Variants in JAZF1 observed in about 807,000 individuals in gnomAD.
The protein encoded by JAZF1 is juxtaposed with another zinc finger protein 1.
A neutral mutation model predicts 26.4 loss-of-function variants in JAZF1; 8 were observed. That is an observed-to-expected ratio of 0.30 (90% CI 0.18 to 0.55). The LOEUF (loss-of-function observed/expected upper bound fraction) is 0.55, where lower values mean the gene tolerates loss of function less well. JAZF1 is among the 20% of genes least tolerant of loss of function. The probability of loss-of-function intolerance (pLI) is 0.94; values close to 1 mark genes in which losing one functional copy is unlikely to be tolerated. For missense variants in JAZF1, 199 were observed against 322.0 expected (o/e 0.62, Z 2.92); for synonymous variants, 126 against 122.3 (o/e 1.03, Z -0.20).
At chr7:27,976,536 C>T (rs552499972) in intron 2 of JAZF1, among the ~76,000 whole-genome samples, 1 of 152,068 alleles carries the variant, frequency 6.6e-6, no homozygotes, top group South Asian at 2.1e-4. Context: ...TAAGAGCATG[C>T]AACATGTTTA....
intron 2 of JAZF1, among the ~76,000 whole-genome samples, chr7:27,897,276 A>G (rs1224392302): frequency 1.3e-5 from 2 of 152,144 alleles, no homozygotes; most frequent in Non-Finnish European, 2.9e-5. Flanking sequence ...GGACATGCTT[A>G]TGGGGGTAGA....
chr7:28,108,391 G>A (rs568621406), intron 1 of JAZF1, among the ~76,000 whole-genome samples: 19 of 152,086 alleles, frequency 1.2e-4, no homozygotes, highest in Non-Finnish European at 2.6e-4. Context: ...TTACATTTTG[G>A]TGGCAGGATA....
rs370461529 is a variant in JAZF1 at position 27,845,653 on chromosome 7, C to T, written c.386-4786G>A. 5.8e-4 allele frequency among the ~76,000 whole-genome samples: 83 copies of T among 143,590 alleles called. No individual in the cohort carries two copies. The East Asian group carries it at 0.011, about 20-fold the overall frequency. The allele number at this position is 143,590 out of a possible 152,430, so 94.2% of individuals were successfully genotyped here. A position where few individuals can be genotyped will look rare whatever the true frequency, so the allele number is the denominator to read the frequency against. On this transcript the variant is annotated intron_variant, in intron 3 of 4. Coordinates refer to ENST00000283928, the MANE Select transcript of JAZF1 (RefSeq NM_175061.4). ...CAGAGGTTGCAGTGAGCCAAGATGG[C>T]GCCATTGCACTCCAGCCTGGGCAAT...
chr7:27,927,874 T>C (rs1248497601), intron 2 of JAZF1, among the ~76,000 whole-genome samples: 1 of 152,178 alleles, frequency 6.6e-6, no homozygotes, highest in Non-Finnish European at 1.5e-5. Context: ...CAAGAATTTC[T>C]TCCCCAAATC....
At chr7:27,980,797 C>T (rs1370403277) in intron 2 of JAZF1, among the ~76,000 whole-genome samples, 2 of 149,858 alleles carry the variant, frequency 1.3e-5, no homozygotes, top group Non-Finnish European at 2.9e-5. Context: ...GATTTTCTTT[C>T]ACATGACTTA....
intron 1 of JAZF1, among the ~76,000 whole-genome samples, chr7:28,008,254 T>C (rs948255453): frequency 6.6e-6 from 1 of 152,160 alleles, no homozygotes; most frequent in Admixed American, 6.5e-5. Flanking sequence ...ATAGTGTCTG[T>C]TGCCCCGGCT....
chr7:28,018,391 G>GGAC (rs2128372180), intron 1 of JAZF1, among the ~76,000 whole-genome samples: 1 of 152,294 alleles, frequency 6.6e-6, no homozygotes, highest in East Asian at 1.9e-4. Context: ...GAAAGACACA[G>GGAC]GACAGTCTTA....
intron 2 of JAZF1, among the ~76,000 whole-genome samples, chr7:27,979,013 T>C (rs1785526665): frequency 6.6e-6 from 1 of 152,070 alleles, no homozygotes; most frequent in Non-Finnish European, 1.5e-5. Context: ...ATTTTAGAAT[T>C]TGCTATCTAA....
chr7:28,151,110 TA>T (rs56691573), intron 1 of JAZF1, among the ~76,000 whole-genome samples: 1,754 of 66,698 alleles, frequency 0.026, 21 homozygotes, highest in East Asian at 0.12. Context: ...TATATATATA[TA>T]TTTTTTTTTT....
chr7:28,106,653 A>G (rs543339055), intron 1 of JAZF1, among the ~76,000 whole-genome samples: 1 of 152,354 alleles, frequency 6.6e-6, no homozygotes, highest in African/African-American at 2.4e-5. Context: ...GATGCAGTGA[A>G]TAAAAGCTAT....
chr7:28,122,200 C>A (rs978736877), intron 1 of JAZF1, among the ~76,000 whole-genome samples: 6 of 152,106 alleles, frequency 3.9e-5, no homozygotes, highest in African/African-American at 1.4e-4. Context: ...GAGCCAAAAC[C>A]AAATACATAC....
intron 1 of JAZF1, among the ~76,000 whole-genome samples, chr7:28,056,693 A>G (rs1418357322): frequency 6.6e-6 from 1 of 152,062 alleles, no homozygotes; most frequent in East Asian, 1.9e-4. Context: ...CTGCTTCTAC[A>G]ATCTCCAGTG....
At chr7:27,897,865 A>C (rs1784097880) in intron 2 of JAZF1, among the ~76,000 whole-genome samples, 1 of 152,212 alleles carries the variant, frequency 6.6e-6, no homozygotes, top group African/African-American at 2.4e-5. Flanking sequence ...GAACAGACCC[A>C]GTGCCCTATG....
intron 3 of JAZF1, among the ~76,000 whole-genome samples, chr7:27,869,258 C>T (rs1020646084): frequency 4.6e-5 from 7 of 151,014 alleles, no homozygotes; most frequent in African/African-American, 1.2e-4. Flanking sequence ...CCCAAACAAG[C>T]GGCAACAGAA....
chr7:28,076,317 A>G (rs936235918), intron 1 of JAZF1, among the ~76,000 whole-genome samples: 3 of 152,222 alleles, frequency 2.0e-5, no homozygotes, highest in Admixed American at 6.5e-5. Flanking sequence ...GAAACAAATA[A>G]ATGAAAGGTT....
intron 1 of JAZF1, among the ~76,000 whole-genome samples, chr7:28,097,654 A>G (rs1347019969): frequency 6.6e-6 from 1 of 152,232 alleles, no homozygotes; most frequent in Non-Finnish European, 1.5e-5. Flanking sequence ...AAGAAATCAC[A>G]GCTGTCTACG....
chr7:28,162,781 A>T (rs1562608580), intron 1 of JAZF1, among the ~76,000 whole-genome samples: 1 of 152,172 alleles, frequency 6.6e-6, no homozygotes, highest in Non-Finnish European at 1.5e-5. Flanking sequence ...CATGAAACTA[A>T]CTCAAAGCCT....
intron 3 of JAZF1, among the ~76,000 whole-genome samples, chr7:27,863,160 C>T (rs1428123998): frequency 2.0e-5 from 3 of 152,196 alleles, no homozygotes; most frequent in Admixed American, 1.3e-4. Flanking sequence ...GGTGAACATG[C>T]AGATTTATTT....
chr7:28,160,317 A>C (rs750266841), intron 1 of JAZF1, among the ~76,000 whole-genome samples: 20 of 152,098 alleles, frequency 1.3e-4, no homozygotes, highest in Non-Finnish European at 1.5e-5. Flanking sequence ...CTCTCCCCTC[A>C]CCCTGTTCTA....
Sources: allele counts gnomAD v4.1 joint callset (sites outside exome capture counted in the v4.1 genomes callset), GRCh38; gene constraint gnomAD v4.1.1; transcripts MANE v1.5; gene names NCBI Gene and HGNC (gene_info 2026-07-23, HGNC 2026-07-21).